Variants in EHMT1 observed in about 807,000 individuals in gnomAD.
EHMT1 encodes histone-lysine N-methyltransferase EHMT1.
In EHMT1, 15 loss-of-function variants were observed where a neutral mutation model predicts 147.2. The ratio of observed to expected loss-of-function variants is 0.10; its 90% CI spans 0.07 to 0.16. The LOEUF is 0.16. Among genes scored for constraint, EHMT1 ranks in the 10% least tolerant of loss-of-function variants. The probability of loss-of-function intolerance (pLI) is 1.00; values close to 1 mark genes in which losing one functional copy is unlikely to be tolerated. For missense variants in EHMT1, 1,587 were observed against 1,772.4 expected, an observed-to-expected ratio of 0.90 and a Z score of 1.88; for synonymous variants, 795 against 709.6, an observed-to-expected ratio of 1.12 and a Z score of -1.91.
intron 6 of EHMT1, among the ~76,000 whole-genome samples, chr9:137,748,532 C>T (rs1313789294): frequency 6.6e-6 from 1 of 152,174 alleles, no homozygotes; most frequent in Non-Finnish European, 1.5e-5. Flanking sequence ...GTGCTGGCCT[C>T]CATGGACTCT....
intron 9 of EHMT1, among the ~76,000 whole-genome samples, chr9:137,761,288 T>C (rs1949791869): frequency 6.6e-6 from 1 of 152,232 alleles, no homozygotes; most frequent in African/African-American, 2.4e-5. Context: ...TTTATTTTTC[T>C]TTACTATAGG....
chr9:137,816,402 C>T (rs1344796266), intron 23 of EHMT1: 1 of 375,840 alleles, frequency 2.7e-6, no homozygotes, highest in Non-Finnish European at 5.1e-6. Flanking sequence ...TGTCGTAGTT[C>T]TATTTTAATA....
intron 13 of EHMT1, among the ~76,000 whole-genome samples, chr9:137,778,928 A>G (rs987874550): frequency 3.3e-5 from 5 of 152,168 alleles, no homozygotes; most frequent in Non-Finnish European, 7.4e-5. Flanking sequence ...AGCAAGAGAC[A>G]GAGAAGGGGG....
intron 14 of EHMT1, among the ~76,000 whole-genome samples, chr9:137,779,952 T>A (rs1951255310): frequency 6.6e-6 from 1 of 152,242 alleles, no homozygotes; most frequent in African/African-American, 2.4e-5. Context: ...TTCTAATTTT[T>A]AAAAAGGAAT....
chr9:137,625,735 A>G (rs529375726), intron 1 of EHMT1, among the ~76,000 whole-genome samples: 1 of 150,596 alleles, frequency 6.6e-6, no homozygotes, highest in East Asian at 2.0e-4. Context: ...TTTTAAGTAT[A>G]TTTTCTTGTC....
intron 25 of EHMT1, among the ~76,000 whole-genome samples, chr9:137,822,752 G>C (rs1344718704): frequency 1.3e-5 from 2 of 152,064 alleles, no homozygotes; most frequent in African/African-American, 4.8e-5. Flanking sequence ...AATTAGCCGG[G>C]TGTGGTGGCG....
chr9:137,698,372 G>A (rs770922540), intron 1 of EHMT1, among the ~76,000 whole-genome samples: 5 of 152,174 alleles, frequency 3.3e-5, no homozygotes, highest in East Asian at 1.9e-4. Flanking sequence ...TTGACTGGGC[G>A]GATTGTAAAA....
Position 137,813,245 on chromosome 9 carries a change from C to T in EHMT1, c.3035+72C>T, listed in dbSNP as rs1954637630. On this transcript the variant is annotated intron_variant, in intron 20 of 26. Transcript: ENST00000460843. The surrounding 1 kb of genome is among the most constrained non-coding windows in gnomAD (Gnocchi z 4.9). ...GGGCTTTGGGAACTTGCGGTGAAAG[C>T]TGCTCCTGAAGCCGAAACATCCCCA... 1 of 1,578,994 alleles carries T rather than the reference C, an allele frequency of 6.3e-7. No homozygotes were observed.
rs1470832705 is a variant in EHMT1, at chr9:137,816,443, T to C, written c.3374+381T>C. 4 of 346,724 alleles carry C rather than the reference T, an allele frequency of 1.2e-5. No individual in the cohort carries two copies. In the Admixed American group the frequency reaches 1.2e-4, roughly 10 times the overall value. The allele number at this position is 346,724 out of a possible 1,614,324, so 21.5% of individuals were successfully genotyped here. A position where few individuals can be genotyped will look rare whatever the true frequency, so the allele number is the denominator to read the frequency against. Reference sequence around the variant, plus strand: ...GTCATTTTCTAAATATTCTCTGTTCTCTGGGCTTCCCTAACAGTGAGGTGA... The same window carrying C: ...GTCATTTTCTAAATATTCTCTGTTCCCTGGGCTTCCCTAACAGTGAGGTGA... On this transcript the variant is annotated intron_variant, in intron 23 of 26. Coordinates refer to ENST00000460843, the MANE Select transcript of EHMT1 (RefSeq NM_024757.5).
At chr9:137,662,622 C>T (rs769224088) in intron 1 of EHMT1, among the ~76,000 whole-genome samples, 16 of 152,098 alleles carry the variant, frequency 1.1e-4, no homozygotes, top group Non-Finnish European at 1.5e-4. Flanking sequence ...GCCTCAGTCT[C>T]CTGAGTAGCT....
chr9:137,728,373 G>A lies in EHMT1; in HGVS notation c.667G>A (p.Glu223Lys). The A allele has an allele frequency of 6.2e-7, 1 of 1,614,232 alleles. No individual in the cohort carries two copies. Among genetic ancestry groups the A allele is most frequent in the Non-Finnish European group, 8.5e-7 (1 of 1,180,046 alleles). The change falls in exon 4 of 27, where the codon GAA becomes AAA. Residue 223 changes from glutamate to lysine, a missense_variant. This residue lies in a region of EHMT1 where 810 missense variants were observed against 673.0 expected (regional missense o/e 1.20). Coordinates refer to ENST00000460843, the MANE Select transcript of EHMT1 (RefSeq NM_024757.5). ...GCATGCAGCCAGTAAAGATCCCAGA[G>A]AAGTTCGAGAAGCTAGAGATCATAA... ...GLHAASKDPR[E>K]VREARDHKEP...
rs535721601 is a variant in EHMT1, at chr9:137,758,233, C to T, written c.1501+222C>T. On this transcript the variant is annotated intron_variant, in intron 9 of 26. Transcript: ENST00000460843. ...CGGAAACCCTCTAAGAGTCAACTGGCGAAGCCCAAGCATGGCCCAGCGTGG... is the reference window on the plus strand; with the variant it reads ...CGGAAACCCTCTAAGAGTCAACTGGTGAAGCCCAAGCATGGCCCAGCGTGG... Among the ~76,000 whole-genome samples the T allele has an allele frequency of 2.0e-5, 3 of 152,330 alleles. No homozygotes were observed. In the East Asian group the frequency reaches 5.8e-4, roughly 29 times the overall value.
chr9:137,747,710 A>C (rs1292505135), intron 6 of EHMT1: 2 of 152,252 alleles, frequency 1.3e-5, no homozygotes, highest in African/African-American at 4.8e-5. Flanking sequence ...CATGTATGAC[A>C]ACGGTACAGT....
At chr9:137,735,855 G>A (rs967461122) in intron 4 of EHMT1, among the ~76,000 whole-genome samples, 6 of 152,246 alleles carry the variant, frequency 3.9e-5, no homozygotes, top group South Asian at 2.1e-4. Context: ...CCATGTGATC[G>A]CTTGCACATG....
chr9:137,644,780 A>T (rs894042259), intron 1 of EHMT1, among the ~76,000 whole-genome samples: 2 of 152,138 alleles, frequency 1.3e-5, no homozygotes, highest in African/African-American at 4.8e-5. Flanking sequence ...CTTTTGATGT[A>T]ACATTTATTT....
At chr9:137,822,242 G>A (rs1216527692) in intron 25 of EHMT1, among the ~76,000 whole-genome samples, 1 of 152,224 alleles carries the variant, frequency 6.6e-6, no homozygotes, top group African/African-American at 2.4e-5. Flanking sequence ...GTTGGACGGT[G>A]ACCCACCTGG....
intron 18 of EHMT1, chr9:137,803,161 T>A: frequency 8.2e-7 from 1 of 1,223,974 alleles, no homozygotes; most frequent in Non-Finnish European, 1.0e-6. Context: ...TCCCCCAGAA[T>A]GGAAGCATTG....
intron 18 of EHMT1, among the ~76,000 whole-genome samples, chr9:137,801,927 C>T (rs1375388044): frequency 6.6e-6 from 1 of 151,824 alleles, no homozygotes; most frequent in Non-Finnish European, 1.5e-5. Context: ...ACGCCTGGCC[C>T]CTGGCTCTCT....
chr9:137,740,290 G>A (rs1389538685), intron 4 of EHMT1, among the ~76,000 whole-genome samples: 1 of 152,168 alleles, frequency 6.6e-6, no homozygotes, highest in African/African-American at 2.4e-5. Context: ...GTTGGCGAGA[G>A]TCTTTGCTCG....
Sources: gnomAD v4.1 joint callset for allele counts (sites outside exome capture counted in the v4.1 genomes callset) on GRCh38, gnomAD v4.1.1 for gene constraint, gnomAD v4.1.1 regional missense constraint, Gnocchi (gnomAD v3.1) non-coding constraint, MANE v1.5 for transcripts, NCBI Gene and HGNC (gene_info 2026-07-23, HGNC 2026-07-21) for gene names.